Variants in CDH4 observed in about 807,000 individuals in gnomAD.
The protein encoded by CDH4 is cadherin 4, also known as cadherin-4.
A neutral mutation model predicts 86.0 loss-of-function variants in CDH4; 33 were observed. That is an observed-to-expected ratio of 0.38 (90% CI 0.29 to 0.51). CDH4 has a LOEUF of 0.51. Among genes scored for constraint, CDH4 ranks in the 20% least tolerant of loss-of-function variants. The pLI is 0.86. For synonymous variants in CDH4, 555 were observed against 549.4 expected (o/e 1.01, Z -0.14); for missense variants, 1,114 against 1,307.4 (o/e 0.85, Z 2.28).
intron 2 of CDH4, among the ~76,000 whole-genome samples, chr20:61,479,206 T>G (rs2085555835): frequency 6.6e-6 from 1 of 150,392 alleles, no homozygotes; most frequent in Non-Finnish European, 1.5e-5. Flanking sequence ...TGCAAGGGTG[T>G]TTTTTTTTAA....
At chr20:61,503,779 TA>T (rs1168296020) in intron 2 of CDH4, among the ~76,000 whole-genome samples, 2 of 152,262 alleles carry the variant, frequency 1.3e-5, no homozygotes, top group African/African-American at 2.4e-5. Context: ...TACTGTTTAT[TA>T]AACAATTTGT....
intron 2 of CDH4, among the ~76,000 whole-genome samples, chr20:61,359,090 G>A (rs1048628176): frequency 1.3e-5 from 2 of 152,128 alleles, no homozygotes; most frequent in African/African-American, 2.4e-5. Flanking sequence ...ACACATGCCC[G>A]CATTTCACTC....
chr20:61,254,178 A>T (rs1452916600), intron 1 of CDH4, among the ~76,000 whole-genome samples: 2 of 151,964 alleles, frequency 1.3e-5, no homozygotes, highest in African/African-American at 4.8e-5. Context: ...CCTGGGCTGG[A>T]GATGGGGGCT....
At chr20:61,648,658 G>T (rs1030480674) in intron 2 of CDH4, among the ~76,000 whole-genome samples, 3 of 152,200 alleles carry the variant, frequency 2.0e-5, no homozygotes, top group Non-Finnish European at 4.4e-5. Flanking sequence ...ATGGCGAGAA[G>T]AGCTGCTGGC....
At position 61,937,063 on chromosome 20, in the gene CDH4, G is replaced by A; in HGVS notation, c.*120G>A. On this transcript the variant is annotated 3_prime_UTR_variant, in exon 16 of 16. Transcript: ENST00000614565. Reference sequence around the variant, plus strand: ...GCTGTGTCCTTAGTGCTGTTAGGAGGCCCCCCAATCCCCACGTTGAGCTGT... The same window carrying A: ...GCTGTGTCCTTAGTGCTGTTAGGAGACCCCCCAATCCCCACGTTGAGCTGT... The A allele has an allele frequency of 5.1e-6, 4 of 791,816 alleles. No individual in the cohort carries two copies. Among genetic ancestry groups the A allele is most frequent in the African/African-American group, 1.8e-5 (1 of 55,634 alleles). 49.0% of individuals were successfully genotyped at this position (791,816 alleles called of 1,614,324 possible).
intron 9 of CDH4, among the ~76,000 whole-genome samples, chr20:61,915,361 G>A (rs1322103848): frequency 6.6e-6 from 1 of 152,238 alleles, no homozygotes; most frequent in East Asian, 1.9e-4. Flanking sequence ...ATCCTGGCAA[G>A]GCCAGATGGT....
At chr20:61,836,011 T>C (rs1385342998) in intron 4 of CDH4, among the ~76,000 whole-genome samples, 5 of 152,174 alleles carry the variant, frequency 3.3e-5, no homozygotes, top group Admixed American at 1.3e-4. Context: ...GCCGGTTGGG[T>C]GATCCCAGGG....
rs531950915 is a variant in CDH4 at position 61,597,595 on chromosome 20, G to A, written c.170-145968G>A. Among the ~76,000 whole-genome samples the A allele has an allele frequency of 3.9e-5, 6 of 152,344 alleles. No homozygotes were observed. The South Asian group carries it at 8.3e-4, about 21-fold the overall frequency. On this transcript the variant is annotated intron_variant, in intron 2 of 15. Coordinates refer to ENST00000614565, the MANE Select transcript of CDH4 (RefSeq NM_001794.5). ...TGCATCTGCACAGGATGGACCGGGC[G>A]AAGCAGGCAGGGCTCTGCTGAGGAG...
At chr20:61,509,177 C>A (rs935390073) in intron 2 of CDH4, among the ~76,000 whole-genome samples, 2 of 152,014 alleles carry the variant, frequency 1.3e-5, no homozygotes, top group African/African-American at 4.8e-5. Flanking sequence ...TGTGGTGGGT[C>A]CTCTGAGACG....
At chr20:61,796,271 A>G (rs1192666690) in intron 4 of CDH4, among the ~76,000 whole-genome samples, 1 of 152,166 alleles carries the variant, frequency 6.6e-6, no homozygotes, top group Non-Finnish European at 1.5e-5. Context: ...TCTCCAGAGC[A>G]GGACCCTGAC....
At position 61,819,257 on chromosome 20, in the gene CDH4, G is replaced by A. The variant is rs140304229; in HGVS notation, c.577-25411G>A. On this transcript the variant is annotated intron_variant, in intron 4 of 15. Coordinates refer to ENST00000614565, the MANE Select transcript of CDH4 (RefSeq NM_001794.5). ...ACACGAGAGTGCATCAGAAGCCACCGCAGGGCAGCTGAACCGGTGCTGGCC... is the reference window on the plus strand; with the variant it reads ...ACACGAGAGTGCATCAGAAGCCACCACAGGGCAGCTGAACCGGTGCTGGCC... Among the ~76,000 whole-genome samples, 494 of 152,350 alleles carry A rather than the reference G, an allele frequency of 3.2e-3. 4 individuals carry two copies. The highest frequency in any genetic ancestry group is 0.011 in the African/African-American group (476 of 41,580).
chr20:61,523,758 C>T (rs1200171805), intron 2 of CDH4, among the ~76,000 whole-genome samples: 1 of 152,228 alleles, frequency 6.6e-6, no homozygotes, highest in East Asian at 1.9e-4. Flanking sequence ...AGTGTGGATA[C>T]CTTTGCATTC....
intron 2 of CDH4, among the ~76,000 whole-genome samples, chr20:61,707,781 C>T (rs1471847148): frequency 6.6e-6 from 1 of 152,134 alleles, no homozygotes; most frequent in African/African-American, 2.4e-5. Flanking sequence ...GCCTAGATCC[C>T]GTGCACGTGC....
intron 2 of CDH4, among the ~76,000 whole-genome samples, chr20:61,443,433 G>A (rs1418495672): frequency 1.3e-5 from 2 of 152,192 alleles, no homozygotes; most frequent in Non-Finnish European, 2.9e-5. Context: ...GACACTTCAA[G>A]GAGCCATTGT....
intron 4 of CDH4, among the ~76,000 whole-genome samples, chr20:61,815,290 T>C (rs1333386466): frequency 1.3e-5 from 2 of 152,210 alleles, no homozygotes; most frequent in African/African-American, 2.4e-5. Context: ...CCAGGGTGGC[T>C]GCTGTGGAGG....
intron 4 of CDH4, among the ~76,000 whole-genome samples, chr20:61,842,010 G>A (rs1345605570): frequency 1.3e-5 from 2 of 152,214 alleles, no homozygotes; most frequent in African/African-American, 4.8e-5. Flanking sequence ...CGAAATGCTG[G>A]CTTAAGAAAG....
intron 2 of CDH4, among the ~76,000 whole-genome samples, chr20:61,404,461 G>T (rs1203028321): frequency 1.3e-5 from 2 of 152,074 alleles, no homozygotes; most frequent in African/African-American, 2.4e-5. Flanking sequence ...ATATCCGGTG[G>T]CATTAAACGC....
At chr20:61,295,948 G>A (rs1035776079) in intron 2 of CDH4, among the ~76,000 whole-genome samples, 2 of 152,232 alleles carry the variant, frequency 1.3e-5, no homozygotes, top group African/African-American at 4.8e-5. Context: ...AGTGCCATGG[G>A]TATCGCGGAG....
intron 2 of CDH4, among the ~76,000 whole-genome samples, chr20:61,584,134 T>C (rs1272437962): frequency 2.0e-5 from 3 of 152,218 alleles, no homozygotes; most frequent in Non-Finnish European, 2.9e-5. Flanking sequence ...CACTTCAGCC[T>C]GGATGAAAGA....
Sources: allele counts gnomAD v4.1 joint callset (sites outside exome capture counted in the v4.1 genomes callset), GRCh38; gene constraint gnomAD v4.1.1; transcripts MANE v1.5; gene names NCBI Gene and HGNC (gene_info 2026-07-23, HGNC 2026-07-21).